Variants in NXPH1 observed in about 807,000 individuals in gnomAD.
NXPH1 encodes the protein neurexophilin-1.
NXPH1 carries 5 observed loss-of-function variants against 23.7 expected under a neutral mutation model. That is an observed-to-expected ratio of 0.21 (90% CI 0.11 to 0.44). NXPH1 has a LOEUF of 0.44. Among genes scored for constraint, NXPH1 ranks in the 20% least tolerant of loss-of-function variants. The pLI is 0.99. For synonymous variants in NXPH1, 144 were observed against 122.2 expected (o/e 1.18, Z -1.18); for missense variants, 324 against 321.6 (o/e 1.01, Z -0.06).
At chr7:8,669,893 A>C (rs902355269) in intron 2 of NXPH1, among the ~76,000 whole-genome samples, 1 of 152,210 alleles carries the variant, frequency 6.6e-6, no homozygotes, top group Non-Finnish European at 1.5e-5. Context: ...TCTTGTAAAA[A>C]TATTTTCATG....
chr7:8,531,468 A>G (rs1195774283), intron 2 of NXPH1, among the ~76,000 whole-genome samples: 1 of 152,162 alleles, frequency 6.6e-6, no homozygotes, highest in Non-Finnish European at 1.5e-5. Context: ...ACCTAATATC[A>G]GCGATCTCTT....
At chr7:8,718,798 G>A (rs1313776828) in intron 2 of NXPH1, among the ~76,000 whole-genome samples, 1 of 152,178 alleles carries the variant, frequency 6.6e-6, no homozygotes, top group East Asian at 1.9e-4. Context: ...TGTCATTTAA[G>A]TGGCACATTC....
chr7:8,583,988 T>G (rs1480943970), intron 2 of NXPH1, among the ~76,000 whole-genome samples: 1 of 152,218 alleles, frequency 6.6e-6, no homozygotes, highest in Non-Finnish European at 1.5e-5. Context: ...TTAACATGGC[T>G]GAGCCTGTCA....
In NXPH1 at chr7:8,476,417, C is replaced by T. The variant is rs1816972263; in HGVS notation, c.54+40650C>T. 3.9e-5 allele frequency among the ~76,000 whole-genome samples: 6 copies of T among 152,122 alleles called. No homozygotes were observed. In the South Asian group the frequency reaches 1.0e-3, roughly 26 times the overall value. On this transcript the variant is annotated intron_variant, in intron 2 of 2. Transcript: ENST00000405863. Reference sequence around the variant, plus strand: ...GCACACACATGCCTTTTGAGTCTCTCCTATAGAATCCTCTTACCCTATCTG... The same window carrying T: ...GCACACACATGCCTTTTGAGTCTCTTCTATAGAATCCTCTTACCCTATCTG...
intron 2 of NXPH1, among the ~76,000 whole-genome samples, chr7:8,678,913 T>C (rs1182427183): frequency 6.7e-6 from 1 of 149,394 alleles, no homozygotes; most frequent in Non-Finnish European, 1.5e-5. Flanking sequence ...TCTAGATTTA[T>C]CTTTGCTTTA....
At chr7:8,578,501 C>A (rs938808035) in intron 2 of NXPH1, among the ~76,000 whole-genome samples, 3 of 152,200 alleles carry the variant, frequency 2.0e-5, no homozygotes, top group African/African-American at 7.2e-5. Flanking sequence ...TTAGAATTTT[C>A]TAGCAATTTG....
intron 2 of NXPH1, among the ~76,000 whole-genome samples, chr7:8,733,442 T>A (rs1780192708): frequency 6.6e-6 from 1 of 152,204 alleles, no homozygotes; most frequent in Non-Finnish European, 1.5e-5. Context: ...TCTAGATCCT[T>A]GAGGAATCGC....
At chr7:8,693,217 G>T (rs1260745846) in intron 2 of NXPH1, among the ~76,000 whole-genome samples, 1 of 152,152 alleles carries the variant, frequency 6.6e-6, no homozygotes, top group Admixed American at 6.5e-5. Context: ...CTCAGTCTGT[G>T]AACAAAGCCC....
chr7:8,636,837 G>T (rs1437557148), intron 2 of NXPH1, among the ~76,000 whole-genome samples: 4 of 151,924 alleles, frequency 2.6e-5, no homozygotes, highest in African/African-American at 9.7e-5. Flanking sequence ...ACTTCCAAAT[G>T]AATATGAAGA....
Position 8,727,656 on chromosome 7 carries a change from G to A in NXPH1, c.55-23352G>A, listed in dbSNP as rs898460507. Among the ~76,000 whole-genome samples the A allele has an allele frequency of 1.1e-3, 173 of 152,156 alleles. 1 individual carries two copies. Among genetic ancestry groups the A allele is most frequent in the South Asian group, 4.6e-3 (22 of 4,806 alleles). ...AAAGATCAGATAGTTGTAGATATGC[G>A]GCATTATTTCTGAGGGCTCTGTTCT... On this transcript the variant is annotated intron_variant, in intron 2 of 2. Transcript: ENST00000405863.
intron 2 of NXPH1, among the ~76,000 whole-genome samples, chr7:8,619,051 T>G (rs1819807339): frequency 6.6e-6 from 1 of 152,160 alleles, no homozygotes; most frequent in Non-Finnish European, 1.5e-5. Context: ...TTCAGTGAAT[T>G]CCTGTGACAT....
At chr7:8,509,245 T>C (rs1222976171) in intron 2 of NXPH1, among the ~76,000 whole-genome samples, 1 of 152,118 alleles carries the variant, frequency 6.6e-6, no homozygotes, top group Non-Finnish European at 1.5e-5. Flanking sequence ...ATCTAAGACA[T>C]GATGATTTCA....
intron 2 of NXPH1, among the ~76,000 whole-genome samples, chr7:8,597,253 A>G (rs1019558686): frequency 2.6e-5 from 4 of 152,112 alleles, no homozygotes; most frequent in Admixed American, 1.3e-4. Flanking sequence ...CAGCCAGAGT[A>G]CGATGTTTTG....
chr7:8,555,030 T>C (rs1472717029), intron 2 of NXPH1, among the ~76,000 whole-genome samples: 2 of 151,654 alleles, frequency 1.3e-5, no homozygotes, highest in Non-Finnish European at 3.0e-5. Flanking sequence ...GGAAGGGCAG[T>C]CCTTGGAAGG....
At chr7:8,452,036 C>G (rs1003665081) in intron 2 of NXPH1, among the ~76,000 whole-genome samples, 1 of 152,090 alleles carries the variant, frequency 6.6e-6, no homozygotes, top group African/African-American at 2.4e-5. Context: ...GAAAAGCTGA[C>G]AGAAGAAAAC....
chr7:8,463,827 C>G (rs191287304), intron 2 of NXPH1, among the ~76,000 whole-genome samples: 1 of 152,118 alleles, frequency 6.6e-6, no homozygotes, highest in African/African-American at 2.4e-5. Flanking sequence ...TAAAGATTAT[C>G]TAAGGGGTTT....
intron 2 of NXPH1, among the ~76,000 whole-genome samples, chr7:8,688,721 G>A (rs994313923): frequency 6.6e-6 from 1 of 152,128 alleles, no homozygotes; most frequent in African/African-American, 2.4e-5. Context: ...TGTAACTCCT[G>A]CTCTCATTTA....
At chr7:8,737,770 AG>A (rs750557428) in intron 2 of NXPH1, among the ~76,000 whole-genome samples, 1 of 152,234 alleles carries the variant, frequency 6.6e-6, no homozygotes, top group African/African-American at 2.4e-5. Flanking sequence ...CAGGTACACC[AG>A]TCAAAGGTAG....
At chr7:8,676,015 T>C (rs1317674276) in intron 2 of NXPH1, among the ~76,000 whole-genome samples, 1 of 152,170 alleles carries the variant, frequency 6.6e-6, no homozygotes, top group African/African-American at 2.4e-5. Flanking sequence ...GGATAGGCTT[T>C]AGATTTGCAA....
Sources: gnomAD v4.1 joint callset for allele counts (sites outside exome capture counted in the v4.1 genomes callset) on GRCh38, gnomAD v4.1.1 for gene constraint, MANE v1.5 for transcripts, NCBI Gene and HGNC (gene_info 2026-07-23, HGNC 2026-07-21) for gene names.